The following TFAP2B variants were observed in gnomAD, a reference collection of about 807,000 sequenced individuals.
The protein encoded by TFAP2B is transcription factor AP-2 beta, also known as transcription factor AP-2-beta.
In TFAP2B, 9 loss-of-function variants were observed where a neutral mutation model predicts 44.3. The observed-to-expected ratio is 0.20, with a 90% CI of 0.12 to 0.35. The LOEUF (loss-of-function observed/expected upper bound fraction) is 0.35. Ranked by LOEUF, TFAP2B falls within the 10% of genes least tolerant of loss-of-function variation. The pLI is 1.00. For missense variants in TFAP2B, 509 were observed against 600.0 expected, an observed-to-expected ratio of 0.85 and a Z score of 1.59; for synonymous variants, 270 against 263.8, an observed-to-expected ratio of 1.02 and a Z score of -0.23.
At chr6:50,829,395 G>C (rs1770613142) in intron 3 of TFAP2B, among the ~76,000 whole-genome samples, 1 of 152,058 alleles carries the variant, frequency 6.6e-6, no homozygotes, top group Admixed American at 6.6e-5. Context: ...ACTCATTTTG[G>C]GTGTATTGCA....
In TFAP2B at chr6:50,836,155, C is replaced by T. The variant is rs1203747040; in HGVS notation, c.696C>T (p.Ser232=). The T allele has an allele frequency of 7.4e-6, 12 of 1,614,112 alleles. No individual in the cohort carries two copies. Among genetic ancestry groups the T allele is most frequent in the Non-Finnish European group, 1.0e-5 (12 of 1,180,032 alleles). ...TCAACACCGGCGAGGTGTTTTGCTC[C>T]GTCCCAGGCCGTTTGTCTCTGCTCA... ...MSVNTGEVFC[S]VPGRLSLLSS... The change falls in exon 4 of 7, where the codon TCC becomes TCT. Residue 232 remains serine (S), a synonymous_variant. Transcript: ENST00000393655.
chr6:50,829,457 C>T (rs145638497), intron 3 of TFAP2B, among the ~76,000 whole-genome samples: 17 of 152,254 alleles, frequency 1.1e-4, no homozygotes, highest in African/African-American at 3.9e-4. Flanking sequence ...GAATGCCTGG[C>T]GATTAGTGTA....
At chr6:50,827,184 T>C (rs1770553293) in intron 2 of TFAP2B, among the ~76,000 whole-genome samples, 2 of 152,204 alleles carry the variant, frequency 1.3e-5, no homozygotes, top group Admixed American at 6.5e-5. Flanking sequence ...CACAGGAGAA[T>C]ATTTCTGTCC....
At position 50,845,876 on chromosome 6, in the gene TFAP2B, A is replaced by C. The variant is rs947552376; in HGVS notation, c.*2484A>C. 1 of 152,636 alleles carries C rather than the reference A, an allele frequency of 6.6e-6. No homozygotes were observed. Among genetic ancestry groups the C allele is most frequent in the Non-Finnish European group, 1.5e-5 (1 of 68,042 alleles). 9.5% of individuals were successfully genotyped at this position (152,636 alleles called of 1,614,324 possible). The stretch of plus-strand genomic sequence containing the variant: ...CCTTCCCGCTCTCGGTCTCACCCTA[A>C]GGGCTAAGGCGACCGAGAAAGCCCC... On this transcript the variant is annotated 3_prime_UTR_variant, in exon 7 of 7. Transcript: ENST00000393655.
At chr6:50,827,101 G>C (rs1770529767) in intron 2 of TFAP2B, among the ~76,000 whole-genome samples, 1 of 152,108 alleles carries the variant, frequency 6.6e-6, no homozygotes, top group African/African-American at 2.4e-5. Flanking sequence ...ACATATTTAC[G>C]TACAAGAGTG....
chr6:50,824,848 G>A lies in TFAP2B; in HGVS notation c.540+983G>A, dbSNP rs182106039. On this transcript the variant is annotated intron_variant, in intron 2 of 6. Coordinates refer to ENST00000393655, the MANE Select transcript of TFAP2B (RefSeq NM_003221.4). Reference sequence around the variant, plus strand: ...AAAACTGTTTGGGTGATTCTGAGCAGGTCTGCTTTTTCACCCTAAGTTAAA... The same window carrying A: ...AAAACTGTTTGGGTGATTCTGAGCAAGTCTGCTTTTTCACCCTAAGTTAAA... Among the ~76,000 whole-genome samples, 915 of 152,312 alleles carry A rather than the reference G, an allele frequency of 6.0e-3. 11 individuals are homozygous for A. The highest frequency in any genetic ancestry group is 0.02 in the African/African-American group (840 of 41,556).
intron 1 of TFAP2B, among the ~76,000 whole-genome samples, chr6:50,820,452 G>A (rs752466482): frequency 1.3e-5 from 2 of 152,252 alleles, no homozygotes; most frequent in African/African-American, 2.4e-5. Context: ...GGAGAGAGGA[G>A]GAGGAGATAA....
chr6:50,847,013 C>T lies in TFAP2B; in HGVS notation c.*3621C>T, dbSNP rs755375882. 6.6e-6 allele frequency: 1 copy of T among 152,646 alleles called. No individual in the cohort carries two copies. Among genetic ancestry groups the T allele is most frequent in the Non-Finnish European group, 1.5e-5 (1 of 68,042 alleles). 9.5% of individuals were successfully genotyped at this position (152,646 alleles called of 1,614,324 possible). ...TCGAGCTTATCTACACACTGTTCCT[C>T]TGCTACAATGCTTTCCTAGTTAAGA... On this transcript the variant is annotated 3_prime_UTR_variant, in exon 7 of 7. Transcript: ENST00000393655.
At position 50,843,311 on chromosome 6, in the gene TFAP2B, C is replaced by G. The variant is rs78820711; in HGVS notation, c.1302C>G (p.Asn434Lys). The G allele has an allele frequency of 2.4e-5, 38 of 1,613,688 alleles. No individual in the cohort carries two copies. Among genetic ancestry groups the G allele is most frequent in the Non-Finnish European group, 3.1e-5 (36 of 1,179,714 alleles). The change falls in exon 7 of 7, where the codon AAC becomes AAG. Residue 434 changes from asparagine (N) to lysine (K), a missense_variant. This residue lies in a region of TFAP2B where 168 missense variants were observed against 183.2 expected (regional missense o/e 0.92). Transcript: ENST00000393655. ...AAGGCATGGACAAGATGTTCTTGAA[C>G]AACACCACCACTAACAGGCACACGT... Reference protein sequence around the residue: ...ALKGMDKMFLNNTTTNRHTSG... With the variant: ...ALKGMDKMFLKNTTTNRHTSG...
At chr6:50,825,146 TA>T in intron 2 of TFAP2B, among the ~76,000 whole-genome samples, 1 of 152,306 alleles carries the variant, frequency 6.6e-6, no homozygotes, top group East Asian at 1.9e-4. Flanking sequence ...TTTATTTTTT[TA>T]AAAAAGACGG....
intron 1 of TFAP2B, among the ~76,000 whole-genome samples, chr6:50,819,234 C>G (rs1004452642): frequency 3.3e-5 from 5 of 151,120 alleles, no homozygotes; most frequent in South Asian, 2.1e-4. Flanking sequence ...CGCCTCCCCC[C>G]ACCCCACCCC....
At chr6:50,833,191 C>G (rs370024771) in intron 3 of TFAP2B, among the ~76,000 whole-genome samples, 13 of 152,272 alleles carry the variant, frequency 8.5e-5, no homozygotes, top group African/African-American at 2.9e-4. Context: ...TAATTACTAA[C>G]AAATCAACCA....
intron 2 of TFAP2B, among the ~76,000 whole-genome samples, chr6:50,828,131 C>T (rs796584920): frequency 1.3e-5 from 2 of 152,304 alleles, no homozygotes; most frequent in African/African-American, 4.8e-5. Context: ...AAACATGTTC[C>T]TATGTGTTGC....
At chr6:50,828,719 C>T (rs1214251370) in intron 3 of TFAP2B, 40 bp downstream of exon 3, 92 of 1,602,182 alleles carry the variant, frequency 5.7e-5, no homozygotes, top group Non-Finnish European at 6.9e-5. Context: ...AAAGTTCTCT[C>T]ATGCATTAAC....
intron 6 of TFAP2B, among the ~76,000 whole-genome samples, chr6:50,840,911 G>T (rs1384320492): frequency 6.6e-6 from 1 of 152,216 alleles, no homozygotes; most frequent in Non-Finnish European, 1.5e-5. Context: ...GGTGTTTTAT[G>T]GCCGGCTCAG....
Position 50,841,281 on chromosome 6 carries a change from A to C in TFAP2B, c.1082+984A>C, listed in dbSNP as rs368918068. On this transcript the variant is annotated intron_variant, in intron 6 of 6. Transcript: ENST00000393655. ...TTGGTAATGAGTACAAACTTAAGGAAAGACTTTACCCATCTCTCCCAATGA... is the reference window on the plus strand; with the variant it reads ...TTGGTAATGAGTACAAACTTAAGGACAGACTTTACCCATCTCTCCCAATGA... Among the ~76,000 whole-genome samples the C allele has an allele frequency of 1.4e-4, 21 of 152,284 alleles. No individual in the cohort carries two copies. In the East Asian group the frequency reaches 3.9e-3, roughly 28 times the overall value.
chr6:50,818,799 G>T, upstream of TFAP2B: 1 of 1,144,700 alleles, frequency 8.7e-7, no homozygotes, highest in Admixed American at 1.8e-5. Flanking sequence ...GGAGAGGAGC[G>T]TCGGATTTGG....
intron 2 of TFAP2B, among the ~76,000 whole-genome samples, chr6:50,828,122 A>G (rs1770579013): frequency 6.6e-6 from 1 of 152,184 alleles, no homozygotes; most frequent in African/African-American, 2.4e-5. Flanking sequence ...GAGGCTTGCA[A>G]ACATGTTCCT....
Position 50,823,766 on chromosome 6 carries a change from G to A in TFAP2B, c.441G>A (p.Pro147=). The change falls in exon 2 of 7, where the codon CCG becomes CCA. Residue 147 remains proline (P), a synonymous_variant. Transcript: ENST00000393655. ...GGGACTACCACTCGGTCCGCCGGCC[G>A]GACGTGCTGCTGCATTCGGCGCACC... ...PRRDYHSVRR[P]DVLLHSAHHG... 1 of 1,600,292 alleles carries A rather than the reference G, an allele frequency of 6.2e-7. No individual in the cohort carries two copies.
Sources: allele counts gnomAD v4.1 joint callset (sites outside exome capture counted in the v4.1 genomes callset), GRCh38; gene constraint gnomAD v4.1.1; regional missense constraint gnomAD v4.1.1; transcripts MANE v1.5; gene names NCBI Gene and HGNC (gene_info 2026-07-23, HGNC 2026-07-21).